LINGO2: variants seen among roughly 807,000 people sequenced by gnomAD.
LINGO2 encodes the protein leucine rich repeat and Ig domain containing 2, also known as leucine-rich repeat and immunoglobulin-like domain-containing nogo receptor-interacting protein 2.
LINGO2 carries 14 observed loss-of-function variants against 30.6 expected under a neutral mutation model. That is an observed-to-expected ratio of 0.46 (90% CI 0.30 to 0.72). LINGO2 has a LOEUF of 0.72. LINGO2 is among the 30% of genes least tolerant of loss of function. The probability of loss-of-function intolerance (pLI) is 0.07; values close to 1 mark genes in which losing one functional copy is unlikely to be tolerated. For synonymous variants in LINGO2, 317 were observed against 288.5 expected, an observed-to-expected ratio of 1.10 and a Z score of -1.00; for missense variants, 729 against 751.7, an observed-to-expected ratio of 0.97 and a Z score of 0.35.
chr9:28,666,509 A>G (rs538445499), intron 1 of LINGO2, among the ~76,000 whole-genome samples: 2 of 152,290 alleles, frequency 1.3e-5, no homozygotes, highest in East Asian at 3.9e-4. Context: ...AAATGGCTCT[A>G]AAAGGTACTC....
At chr9:28,662,495 C>T (rs937964962) in intron 1 of LINGO2, among the ~76,000 whole-genome samples, 4 of 152,070 alleles carry the variant, frequency 2.6e-5, no homozygotes, top group African/African-American at 9.7e-5. Context: ...AGTGAGAGGG[C>T]GATTTTTTAT....
chr9:29,179,380 G>A, the LINGO2 span, among the ~76,000 whole-genome samples: 1 of 151,514 alleles, frequency 6.6e-6, no homozygotes, highest in South Asian at 2.1e-4. Flanking sequence ...GGAATACATA[G>A]AATGCTTAGT....
chr9:28,631,775 C>A (rs1300511734), intron 1 of LINGO2, among the ~76,000 whole-genome samples: 2 of 152,046 alleles, frequency 1.3e-5, no homozygotes, highest in African/African-American at 4.8e-5. Flanking sequence ...TTTGGGACTT[C>A]ATTCAGACTC....
At chr9:28,797,357 T>TAGAGAGAGAGAGAG in the LINGO2 span, among the ~76,000 whole-genome samples, 272 of 55,164 alleles carry the variant, frequency 4.9e-3, 2 homozygotes, top group East Asian at 7.4e-3. Flanking sequence ...TATATATATA[T>TAGAGAGAGAGAGAG]ATAGAGAGAG....
chr9:29,089,875 T>C, the LINGO2 span, among the ~76,000 whole-genome samples: 1 of 151,968 alleles, frequency 6.6e-6, no homozygotes, highest in Non-Finnish European at 1.5e-5. Flanking sequence ...GTAAACCCCG[T>C]GAGAAAAAGG....
intron 4 of LINGO2, among the ~76,000 whole-genome samples, chr9:28,054,780 G>C (rs1037856738): frequency 6.6e-6 from 1 of 151,370 alleles, no homozygotes; most frequent in African/African-American, 2.4e-5. Flanking sequence ...CATATTCCAG[G>C]CTATAACTTA....
chr9:27,970,608 G>A (rs529277206), intron 5 of LINGO2, among the ~76,000 whole-genome samples: 189 of 152,242 alleles, frequency 1.2e-3, no homozygotes, highest in African/African-American at 4.4e-3. Context: ...GCTGTAGAAA[G>A]AGTGATGCTT....
chr9:28,828,302 T>A, the LINGO2 span, among the ~76,000 whole-genome samples: 1 of 151,872 alleles, frequency 6.6e-6, no homozygotes, highest in Admixed American at 6.6e-5. Flanking sequence ...CAAAATAAAA[T>A]ACAGAGGATT....
At chr9:29,154,018 C>G in the LINGO2 span, among the ~76,000 whole-genome samples, 20 of 152,066 alleles carry the variant, frequency 1.3e-4, no homozygotes, top group African/African-American at 4.8e-4. Flanking sequence ...GTTATAAGAG[C>G]CCATGACAAA....
intron 4 of LINGO2, among the ~76,000 whole-genome samples, chr9:28,174,775 A>AATCC (rs1031373940): frequency 1.3e-5 from 2 of 152,266 alleles, no homozygotes; most frequent in African/African-American, 4.8e-5. Flanking sequence ...TTATACATCG[A>AATCC]ATCCAGTGCC....
chr9:28,826,212 A>G, the LINGO2 span, among the ~76,000 whole-genome samples: 1 of 152,186 alleles, frequency 6.6e-6, no homozygotes, highest in African/African-American at 2.4e-5. Flanking sequence ...TTGTTAACTT[A>G]GGAATGATTT....
chr9:28,915,173 GT>G, the LINGO2 span, among the ~76,000 whole-genome samples: 1 of 152,182 alleles, frequency 6.6e-6, no homozygotes, highest in East Asian at 1.9e-4. Context: ...TGAAAATAAA[GT>G]TAGTCACAAA....
intron 3 of LINGO2, among the ~76,000 whole-genome samples, chr9:28,338,504 G>C (rs114335235): frequency 2.6e-5 from 4 of 152,246 alleles, no homozygotes; most frequent in African/African-American, 9.6e-5. Flanking sequence ...GAGGACATGA[G>C]ATTTGGGAGG....
the LINGO2 span, among the ~76,000 whole-genome samples, chr9:28,966,665 C>G: frequency 6.6e-6 from 1 of 152,022 alleles, no homozygotes; most frequent in Admixed American, 6.6e-5. Flanking sequence ...ATCTAACTAT[C>G]CTGACATGGA....
chr9:28,769,551 A>T, the LINGO2 span, among the ~76,000 whole-genome samples: 2 of 92,448 alleles, frequency 2.2e-5, no homozygotes, highest in Admixed American at 1.4e-4. Context: ...TTTTTACCTG[A>T]ATGTCCTCCA....
chr9:28,023,536 T>G (rs907120961), intron 4 of LINGO2, among the ~76,000 whole-genome samples: 2 of 152,184 alleles, frequency 1.3e-5, no homozygotes, highest in Non-Finnish European at 2.9e-5. Context: ...CCAATCTCAG[T>G]CTTTCAGTGG....
intron 2 of LINGO2, among the ~76,000 whole-genome samples, chr9:28,436,579 T>C (rs1285520423): frequency 6.6e-6 from 1 of 151,994 alleles, no homozygotes; most frequent in African/African-American, 2.4e-5. Context: ...TGCCTCAGCC[T>C]CCAGATTAGC....
the LINGO2 span, among the ~76,000 whole-genome samples, chr9:28,994,486 A>G: frequency 6.6e-5 from 10 of 151,344 alleles, no homozygotes; most frequent in Admixed American, 2.0e-4. Flanking sequence ...TCAAGCTACC[A>G]ATGACTTTCT....
intron 2 of LINGO2, among the ~76,000 whole-genome samples, chr9:28,386,353 G>A (rs1371189826): frequency 6.6e-6 from 1 of 152,122 alleles, no homozygotes; most frequent in African/African-American, 2.4e-5. Flanking sequence ...GTCTTTGTGT[G>A]GGGGCGGGTG....
Sources: gnomAD v4.1 joint callset for allele counts (sites outside exome capture counted in the v4.1 genomes callset) on GRCh38, gnomAD v4.1.1 for gene constraint, MANE v1.5 for transcripts, NCBI Gene and HGNC (gene_info 2026-07-23, HGNC 2026-07-21) for gene names.